USP8: variants seen among roughly 807,000 people sequenced by gnomAD.
USP8 encodes the protein ubiquitin carboxyl-terminal hydrolase 8.
USP8 carries 27 observed loss-of-function variants against 130.0 expected under a neutral mutation model. The ratio of observed to expected loss-of-function variants is 0.21; its 90% CI spans 0.15 to 0.29. The LOEUF (loss-of-function observed/expected upper bound fraction) is 0.29. Ranked by LOEUF, USP8 falls within the 10% of genes least tolerant of loss-of-function variation. The pLI, the probability that USP8 is intolerant of heterozygous loss-of-function variation, is 1.00. For missense variants in USP8, 1,029 were observed against 1,312.2 expected, an observed-to-expected ratio of 0.78 and a Z score of 3.33; for synonymous variants, 392 against 444.1, an observed-to-expected ratio of 0.88 and a Z score of 1.48.
chr15:50,497,283 T>C (rs1361870060), intron 18 of USP8, 52 bp downstream of exon 18: 1 of 1,551,574 alleles, frequency 6.4e-7, no homozygotes. Context: ...GAGGGAATTT[T>C]AAGTTCTGTG....
At chr15:50,495,162 G>A (rs2141324618) in intron 16 of USP8, among the ~76,000 whole-genome samples, 1 of 151,142 alleles carries the variant, frequency 6.6e-6, no homozygotes, top group East Asian at 1.9e-4. Context: ...CACATATTTT[G>A]GGGTCACCAT....
At chr15:50,495,567 G>A (rs548843593) in intron 16 of USP8, among the ~76,000 whole-genome samples, 1 of 151,922 alleles carries the variant, frequency 6.6e-6, no homozygotes, top group Admixed American at 6.5e-5. Context: ...TTCCCAGAAT[G>A]CTGGGATTAC....
At chr15:50,450,631 C>T (rs921639043) in intron 4 of USP8, among the ~76,000 whole-genome samples, 5 of 152,042 alleles carry the variant, frequency 3.3e-5, no homozygotes, top group African/African-American at 9.6e-5. Context: ...GCCACCATGC[C>T]TGGCTAATTT....
intron 8 of USP8, among the ~76,000 whole-genome samples, chr15:50,475,132 G>A (rs1311731099): frequency 6.6e-6 from 1 of 151,998 alleles, no homozygotes; most frequent in Non-Finnish European, 1.5e-5. Flanking sequence ...ATTTAACTAT[G>A]TTTAAAAAAC....
chr15:50,458,954 C>G (rs754034519), intron 4 of USP8, 46 bp from the exon 5 acceptor site: 28 of 1,603,860 alleles, frequency 1.7e-5, no homozygotes, highest in Non-Finnish European at 2.4e-5. Context: ...TTAATTTCCA[C>G]GATTAACGCC....
chr15:50,490,879 G>A (rs148939940), intron 14 of USP8, among the ~76,000 whole-genome samples: 18 of 152,258 alleles, frequency 1.2e-4, no homozygotes, highest in African/African-American at 4.1e-4. Context: ...TATTGAGCTT[G>A]CCTTGTTGCA....
chr15:50,438,949 C>A, intron 1 of USP8, 60 bp from the exon 2 acceptor site: 1 of 646,196 alleles, frequency 1.5e-6, no homozygotes, highest in Non-Finnish European at 2.5e-6. Flanking sequence ...TTTTTTTAAA[C>A]TGCTCACTTG....
intron 4 of USP8, among the ~76,000 whole-genome samples, chr15:50,454,254 T>G (rs1421458042): frequency 6.6e-6 from 1 of 152,188 alleles, no homozygotes; most frequent in Non-Finnish European, 1.5e-5. Flanking sequence ...GAGCTGCTAT[T>G]CCACTGTCTT....
At chr15:50,472,756 A>G (rs1444125050) in intron 8 of USP8, among the ~76,000 whole-genome samples, 1 of 152,038 alleles carries the variant, frequency 6.6e-6, no homozygotes, top group Non-Finnish European at 1.5e-5. Context: ...GCTAAAAACA[A>G]AAAATTAGTC....
chr15:50,489,473 A>C, intron 12 of USP8: 1 of 155,684 alleles, frequency 6.4e-6, no homozygotes. Flanking sequence ...AAATTAAAAA[A>C]AAAAATGTGG....
At chr15:50,462,717 C>G (rs572094872) in intron 6 of USP8, among the ~76,000 whole-genome samples, 1 of 152,196 alleles carries the variant, frequency 6.6e-6, no homozygotes, top group Admixed American at 6.5e-5. Flanking sequence ...CAGAATGTTG[C>G]TTAAACATTC....
chr15:50,475,507 A>G (rs951447768), intron 8 of USP8, among the ~76,000 whole-genome samples: 5 of 152,092 alleles, frequency 3.3e-5, no homozygotes, highest in Non-Finnish European at 4.4e-5. Flanking sequence ...TAAACCAGCA[A>G]TTCTACTCCT....
At chr15:50,446,797 A>ACT (rs1200453416) in intron 3 of USP8, among the ~76,000 whole-genome samples, 2 of 152,186 alleles carry the variant, frequency 1.3e-5, no homozygotes, top group Non-Finnish European at 2.9e-5. Flanking sequence ...ACAGGGTCTC[A>ACT]CTCTGTTGCT....
intron 4 of USP8, among the ~76,000 whole-genome samples, chr15:50,450,462 C>CTTTTTTTTTTTTTTTTTTTTTTTTTTTT (rs35800074): frequency 6.2e-5 from 5 of 80,456 alleles, no homozygotes; most frequent in Non-Finnish European, 9.4e-5. Flanking sequence ...GTTAGTCATT[C>CTTTTTTTTTTTTTTTTTTTTTTTTTTTT]TTTTTTTTTT....
At chr15:50,443,243 G>A (rs1360401137) in intron 3 of USP8, among the ~76,000 whole-genome samples, 1 of 149,918 alleles carries the variant, frequency 6.7e-6, no homozygotes, top group African/African-American at 2.4e-5. Context: ...GTTTCACCAT[G>A]TTGGCCCAGC....
At chr15:50,481,146 A>G (rs1480011261) in intron 10 of USP8, among the ~76,000 whole-genome samples, 1 of 152,272 alleles carries the variant, frequency 6.6e-6, no homozygotes, top group East Asian at 1.9e-4. Context: ...TTGGGTAGGC[A>G]TTTGGATACC....
At chr15:50,489,591 T>C (rs970867104) in intron 12 of USP8, 1 of 261,664 alleles carries the variant, frequency 3.8e-6, no homozygotes, top group African/African-American at 2.3e-5. Flanking sequence ...GACATACTCC[T>C]CTACACCTTG....
At chr15:50,461,553 T>TA (rs1171701477) in intron 5 of USP8, among the ~76,000 whole-genome samples, 39 of 151,800 alleles carry the variant, frequency 2.6e-4, no homozygotes, top group African/African-American at 9.2e-4. Flanking sequence ...TTGTCTTGGT[T>TA]AAAAAATGTA....
intron 1 of USP8, among the ~76,000 whole-genome samples, chr15:50,428,887 G>A (rs1404646902): frequency 6.6e-6 from 1 of 152,112 alleles, no homozygotes; most frequent in East Asian, 1.9e-4. Context: ...TTGAAGCCAT[G>A]ATTAAGTAAA....
Sources: gnomAD v4.1 joint callset for allele counts (sites outside exome capture counted in the v4.1 genomes callset) on GRCh38, gnomAD v4.1.1 for gene constraint, MANE v1.5 for transcripts, NCBI Gene and HGNC (gene_info 2026-07-23, HGNC 2026-07-21) for gene names.